The following C12orf42 variants were observed in gnomAD, a reference collection of about 807,000 sequenced individuals.
C12orf42 encodes the protein uncharacterized protein C12orf42.
A neutral mutation model predicts 21.6 loss-of-function variants in C12orf42; 25 were observed. The observed-to-expected ratio is 1.16, with a 90% CI of 0.84 to 1.62. C12orf42 has a LOEUF of 1.62. Ranked by LOEUF, C12orf42 falls within the 40% of genes most tolerant of loss-of-function variation. C12orf42 has a pLI of 0.00. For missense variants in C12orf42, 483 were observed against 459.3 expected, an observed-to-expected ratio of 1.05 and a Z score of -0.47; for synonymous variants, 174 against 175.0, an observed-to-expected ratio of 0.99 and a Z score of 0.05.
At chr12:103,496,365 AG>A (rs1427817516), upstream of C12orf42, among the ~76,000 whole-genome samples, 1 of 152,166 alleles carries the variant, frequency 6.6e-6, no homozygotes, top group East Asian at 1.9e-4. Context: ...AGCCAACAGC[AG>A]GGGGCAGAGC....
the C12orf42 span, chr12:103,081,512 A>G: frequency 9.2e-5 from 14 of 152,236 alleles, no homozygotes; most frequent in African/African-American, 3.4e-4. Context: ...TTTTTTGTTA[A>G]GACAGATGCA....
chr12:103,396,053 A>G (rs1467686485), intron 3 of C12orf42, among the ~76,000 whole-genome samples: 1 of 149,294 alleles, frequency 6.7e-6, no homozygotes, highest in Non-Finnish European at 1.5e-5. Flanking sequence ...TATAATATAC[A>G]TATATCAACT....
the C12orf42 span, among the ~76,000 whole-genome samples, chr12:103,537,970 A>G: frequency 6.6e-6 from 1 of 152,252 alleles, no homozygotes; most frequent in African/African-American, 2.4e-5. Context: ...ATGCCAGTAT[A>G]CCAGTTTTTC....
intron 10 of C12orf42, among the ~76,000 whole-genome samples, chr12:103,240,519 G>A (rs950619168): frequency 1.3e-5 from 2 of 152,154 alleles, no homozygotes; most frequent in Admixed American, 1.3e-4. Flanking sequence ...ACTTGCTCCT[G>A]AAGTCATGAG....
intron 2 of C12orf42, among the ~76,000 whole-genome samples, chr12:103,462,580 G>T (rs1167945186): frequency 6.6e-6 from 1 of 152,120 alleles, no homozygotes; most frequent in Non-Finnish European, 1.5e-5. Flanking sequence ...ATATATGTGT[G>T]CAAAGACTAA....
the C12orf42 span, among the ~76,000 whole-genome samples, chr12:103,192,391 C>T: frequency 5.3e-5 from 8 of 151,278 alleles, no homozygotes; most frequent in African/African-American, 1.9e-4. Flanking sequence ...TAGTCCCAGC[C>T]ACTCAGGAGG....
intron 1 of C12orf42, among the ~76,000 whole-genome samples, chr12:103,481,570 A>T (rs1954472562): frequency 6.6e-6 from 1 of 151,560 alleles, no homozygotes; most frequent in Admixed American, 6.6e-5. Flanking sequence ...TTTACTACAT[A>T]TTTTTTTCCA....
chr12:103,070,494 A>G, the C12orf42 span, among the ~76,000 whole-genome samples: 1 of 142,748 alleles, frequency 7.0e-6, no homozygotes, highest in African/African-American at 2.7e-5. Flanking sequence ...ATATACATAT[A>G]TATACACACC....
the C12orf42 span, among the ~76,000 whole-genome samples, chr12:103,154,513 A>T: frequency 3.3e-5 from 5 of 152,216 alleles, no homozygotes; most frequent in South Asian, 2.1e-4. Context: ...AGAAATGCAA[A>T]ACATTTCTAA....
At chr12:103,522,166 A>C in the C12orf42 span, among the ~76,000 whole-genome samples, 1 of 152,088 alleles carries the variant, frequency 6.6e-6, no homozygotes, top group Non-Finnish European at 1.5e-5. Context: ...TACTTTTCTC[A>C]TGGTAGTGAA....
At chr12:103,049,951 C>T in the C12orf42 span, among the ~76,000 whole-genome samples, 1 of 152,186 alleles carries the variant, frequency 6.6e-6, no homozygotes, top group Non-Finnish European at 1.5e-5. Flanking sequence ...GTCTAAAGCA[C>T]TCCTTCCATT....
chr12:103,238,021 A>T (rs1207108524), intron 10 of C12orf42: 1 of 152,238 alleles, frequency 6.6e-6, no homozygotes, highest in Non-Finnish European at 1.5e-5. Context: ...TGCAGGAGGC[A>T]TGTGGTGGAT....
At chr12:103,393,890 C>T (rs1350305022) in intron 3 of C12orf42, among the ~76,000 whole-genome samples, 2 of 152,166 alleles carry the variant, frequency 1.3e-5, no homozygotes, top group African/African-American at 4.8e-5. Flanking sequence ...TGCTCTATGA[C>T]TCTAGGCAGA....
At chr12:103,211,700 T>G in the C12orf42 span, among the ~76,000 whole-genome samples, 1 of 152,124 alleles carries the variant, frequency 6.6e-6, no homozygotes, top group Non-Finnish European at 1.5e-5. Context: ...CCCAGCTAAA[T>G]CATTCAGAAC....
At chr12:103,048,387 G>A in the C12orf42 span, among the ~76,000 whole-genome samples, 1 of 152,062 alleles carries the variant, frequency 6.6e-6, no homozygotes, top group Non-Finnish European at 1.5e-5. Flanking sequence ...TAAATACAAT[G>A]CATAAAAGAT....
chr12:103,418,210 T>C (rs143301464), intron 2 of C12orf42, among the ~76,000 whole-genome samples: 11 of 152,280 alleles, frequency 7.2e-5, no homozygotes, highest in African/African-American at 9.6e-5. Flanking sequence ...AATCCTCACA[T>C]TGGAAAAATT....
At chr12:103,238,467 C>G (rs1286449054) in intron 10 of C12orf42, among the ~76,000 whole-genome samples, 1 of 152,138 alleles carries the variant, frequency 6.6e-6, no homozygotes, top group Non-Finnish European at 1.5e-5. Flanking sequence ...TTCATTCTAA[C>G]AAGAATCCCC....
At chr12:103,183,052 A>C in the C12orf42 span, among the ~76,000 whole-genome samples, 1 of 152,222 alleles carries the variant, frequency 6.6e-6, no homozygotes, top group Non-Finnish European at 1.5e-5. Flanking sequence ...ATTTGTATAA[A>C]GTTGGTTTAA....
chr12:103,211,555 G>A, the C12orf42 span, among the ~76,000 whole-genome samples: 2 of 152,160 alleles, frequency 1.3e-5, no homozygotes, highest in East Asian at 3.9e-4. Flanking sequence ...AGGAATGAAG[G>A]CATCCAGCCA....
Sources: allele counts gnomAD v4.1 joint callset (sites outside exome capture counted in the v4.1 genomes callset), GRCh38; gene constraint gnomAD v4.1.1; transcripts MANE v1.5; gene names NCBI Gene and HGNC (gene_info 2026-07-23, HGNC 2026-07-21).